FBXO7: variants seen among roughly 807,000 people sequenced by gnomAD.
FBXO7 encodes F-box protein 7.
Under a neutral mutation model 50.2 loss-of-function variants are expected in FBXO7, and 31 were observed. The ratio of observed to expected loss-of-function variants is 0.62; its 90% CI spans 0.46 to 0.83. The LOEUF (loss-of-function observed/expected upper bound fraction) is 0.83, where lower values mean the gene tolerates loss of function less well. FBXO7 is among the 40% of genes least tolerant of loss of function. The pLI is 0.00. For missense variants in FBXO7, 667 were observed against 646.6 expected (o/e 1.03, Z -0.34); for synonymous variants, 256 against 253.1 (o/e 1.01, Z -0.11).
chr22:32,484,983 C>A, intron 3 of FBXO7, 85 bp from the exon 4 acceptor site: 1 of 1,540,000 alleles, frequency 6.5e-7, no homozygotes, highest in Non-Finnish European at 9.0e-7. Context: ...TTATTTCAAA[C>A]AAGTTAGGAG....
intron 8 of FBXO7, among the ~76,000 whole-genome samples, chr22:32,497,331 C>T (rs2057581859): frequency 6.6e-6 from 1 of 152,092 alleles, no homozygotes; most frequent in Non-Finnish European, 1.5e-5. Flanking sequence ...CCCTAAGTCC[C>T]CAAAGTCCAT....
chr22:32,478,256 T>A (rs1227739979), intron 1 of FBXO7: 1 of 152,316 alleles, frequency 6.6e-6, no homozygotes, highest in Non-Finnish European at 1.5e-5. Context: ...ATTGGAAGAT[T>A]TTAAGTGAAG....
rs1052668899 is a variant in FBXO7 at position 32,478,338 on chromosome 22, T to C, written c.123-643T>C. On this transcript the variant is annotated intron_variant, in intron 1 of 8. Transcript: ENST00000266087. ...TAGTTGCTGTCACTTGTAAGACATA[T>C]TGTTTTATGTAACAGCAGGGGAAAA... 3.9e-5 allele frequency: 6 copies of C among 153,378 alleles called. No individual in the cohort carries two copies. The East Asian group carries it at 7.7e-4, about 20-fold the overall frequency. 9.5% of individuals were successfully genotyped at this position (153,378 alleles called of 1,614,324 possible).
chr22:32,479,256 T>G lies in FBXO7; in HGVS notation c.398T>G (p.Val133Gly). The G allele has an allele frequency of 1.2e-6, 2 of 1,614,142 alleles. No homozygotes were observed. The highest frequency in any genetic ancestry group is 8.5e-7 in the Non-Finnish European group (1 of 1,180,018). Reference protein sequence around the residue: ...SFQGQAAQSGVWNDDSMLGPS... With the variant: ...SFQGQAAQSGGWNDDSMLGPS... ...CAAGGACAGGCAGCCCAGTCTGGTG[T>G]TTGGAATGACGACAGTATGGTGGGT... is the stretch of plus-strand genomic sequence containing the variant. Residue 133 changes from valine (V) to glycine (G), a missense_variant, in exon 2 of 9, where the codon GTT becomes GGT. Val to Gly is a moderately radical substitution (Grantham distance 109). Coordinates refer to ENST00000266087, the MANE Select transcript of FBXO7 (RefSeq NM_012179.4).
rs534389109 is a variant in FBXO7 at position 32,498,129 on chromosome 22, T to G, written c.1183-15T>G. On this transcript the variant is annotated splice_polypyrimidine_tract_variant and intron_variant, in intron 8 of 8. Coordinates refer to ENST00000266087, the MANE Select transcript of FBXO7 (RefSeq NM_012179.4). ...CTTACCTTATCTTGTTCTTTTATTT[T>G]TCTTTTTTCTACAGCTGTACAGGAA... 102 of 1,614,022 alleles carry G rather than the reference T, an allele frequency of 6.3e-5. No individual in the cohort carries two copies. Among genetic ancestry groups the G allele is most frequent in the South Asian group, 2.5e-4 (23 of 91,060 alleles).
intron 4 of FBXO7, among the ~76,000 whole-genome samples, chr22:32,485,523 T>C (rs566691176): frequency 1.3e-5 from 2 of 152,298 alleles, no homozygotes; most frequent in East Asian, 3.9e-4. Context: ...AGGAGTGAAA[T>C]GAGCCTATTA....
At chr22:32,486,852 C>T (rs2057502059) in intron 4 of FBXO7, among the ~76,000 whole-genome samples, 1 of 152,192 alleles carries the variant, frequency 6.6e-6, no homozygotes, top group Non-Finnish European at 1.5e-5. Flanking sequence ...ACAGTTTCTG[C>T]CTTCATCTAA....
Position 32,498,634 on chromosome 22 carries a change from T to C in FBXO7, c.*104T>C, listed in dbSNP as rs1601521158. The C allele has an allele frequency of 1.2e-5, 16 of 1,363,606 alleles. 1 individual carries two copies. The East Asian group carries it at 4.0e-4, about 34-fold the overall frequency. The allele number at this position is 1,363,606 out of a possible 1,614,324, so 84.5% of individuals were successfully genotyped here. On this transcript the variant is annotated 3_prime_UTR_variant, in exon 9 of 9. Transcript: ENST00000266087. ...CTCGAGTGTTATTTTCTGATTGTGGTGTTGAGAGTTGCACTCCCAGAAACC... is the reference window on the plus strand; with the variant it reads ...CTCGAGTGTTATTTTCTGATTGTGGCGTTGAGAGTTGCACTCCCAGAAACC...
chr22:32,495,876 A>G (rs1008916411), intron 8 of FBXO7, among the ~76,000 whole-genome samples: 1 of 152,220 alleles, frequency 6.6e-6, no homozygotes, highest in Non-Finnish European at 1.5e-5. Flanking sequence ...TTCATAAGGT[A>G]CTATTCTAAT....
chr22:32,477,228 A>C (rs993470301), intron 1 of FBXO7, among the ~76,000 whole-genome samples: 4 of 152,242 alleles, frequency 2.6e-5, no homozygotes, highest in African/African-American at 9.6e-5. Flanking sequence ...TTCAATCAGT[A>C]AGAAAAAATA....
intron 1 of FBXO7, 52 bp downstream of exon 1, chr22:32,475,176 G>T: frequency 6.5e-7 from 1 of 1,528,284 alleles, no homozygotes. Context: ...AGTGCTTGGG[G>T]TGGGTGCAGG....
chr22:32,495,336 A>C, intron 7 of FBXO7, among the ~76,000 whole-genome samples, 157 bp from the exon 8 acceptor site: 1 of 151,576 alleles, frequency 6.6e-6, no homozygotes, highest in Non-Finnish European at 1.5e-5. Context: ...AAGAAAGTAC[A>C]AATGATATAG....
At position 32,493,300 on chromosome 22, in the gene FBXO7, T is replaced by TA. The variant is rs1463182333; in HGVS notation, c.1144+20dup. The TA allele has an allele frequency of 2.5e-6, 4 of 1,608,690 alleles. No homozygotes were observed. The Admixed American group carries it at 6.7e-5, about 27-fold the overall frequency. ...TTTCGAGGTGATTTCCGTAATGACA[T>TA]ATTCACAAGAAAGGGCTCTTATTGT... On this transcript the variant is annotated intron_variant, in intron 7 of 8. Coordinates refer to ENST00000266087, the MANE Select transcript of FBXO7 (RefSeq NM_012179.4).
Position 32,479,266 on chromosome 22 carries a change from C to T in FBXO7, c.408C>T (p.Asp136=), listed in dbSNP as rs776288097. ...GQAAQSGVWN[D]DSMLGPSQNF... is the part of the protein sequence containing the mutation. ...CAGCCCAGTCTGGTGTTTGGAATGA[C>T]GACAGTATGGTGGGTATTAAACACC... The change falls in exon 2 of 9, where the codon GAC becomes GAT. Residue 136 remains aspartate (D), a synonymous_variant. Transcript: ENST00000266087. 53 of 1,613,856 alleles carry T rather than the reference C, an allele frequency of 3.3e-5. No individual in the cohort carries two copies. Among genetic ancestry groups the T allele is most frequent in the Middle Eastern group, 1.6e-4 (1 of 6,084 alleles).
chr22:32,484,315 T>G (rs1213395774), intron 3 of FBXO7, among the ~76,000 whole-genome samples, 191 bp downstream of exon 3: 1 of 152,198 alleles, frequency 6.6e-6, no homozygotes, highest in Non-Finnish European at 1.5e-5. Context: ...GGAGAACATT[T>G]AGAATATTGC....
At chr22:32,487,585 T>G (rs1267309919) in intron 4 of FBXO7, 160 bp from the exon 5 acceptor site, 2 of 601,248 alleles carry the variant, frequency 3.3e-6, no homozygotes, top group African/African-American at 3.7e-5. Context: ...TTTACACTTT[T>G]GAACTTGCTA....
At chr22:32,495,170 TA>T (rs1381807653) in intron 7 of FBXO7, among the ~76,000 whole-genome samples, 3 of 152,244 alleles carry the variant, frequency 2.0e-5, no homozygotes, top group Middle Eastern at 6.8e-3. Flanking sequence ...TAAATGAGAT[TA>T]GGGGGAGAAG....
At position 32,485,075 on chromosome 22, in the gene FBXO7, A is replaced by C; in HGVS notation, c.653A>C (p.Glu218Ala). 1 of 1,614,146 alleles carries C rather than the reference A, an allele frequency of 6.2e-7. No homozygotes were observed. The highest frequency in any genetic ancestry group is 1.1e-5 in the South Asian group (1 of 91,082). The change falls in exon 4 of 9, where the codon GAA (glutamate) becomes GCA (alanine). Residue 218 changes from glutamate (E) to alanine (A), a missense_variant. Physicochemically the swap from Glu to Ala is moderately radical, Grantham distance 107. Coordinates refer to ENST00000266087, the MANE Select transcript of FBXO7 (RefSeq NM_012179.4). ...TTTCATTTCGTTCCCCAGGGCACCG[A>C]AGCCAAAGCACTGTCCATGCCGGAG... ...LESGYIPQGTEAKALSMPEKW... is the reference protein window; with the variant it reads ...LESGYIPQGTAAKALSMPEKW...
chr22:32,488,003 A>G lies in FBXO7; in HGVS notation c.871+175A>G, dbSNP rs748526094. On this transcript the variant is annotated intron_variant, in intron 5 of 8. Transcript: ENST00000266087. Reference sequence around the variant, plus strand: ...TTTAAAAAATGTGAAAGTTTTGCTTATAATTTGAGGAGTTTGTTTCTTTCC... The same window carrying G: ...TTTAAAAAATGTGAAAGTTTTGCTTGTAATTTGAGGAGTTTGTTTCTTTCC... 3.5e-4 allele frequency: 202 copies of G among 581,238 alleles called. 1 individual carries two copies. Among genetic ancestry groups the G allele is most frequent in the Non-Finnish European group, 4.9e-4 (160 of 323,918 alleles). 36.0% of individuals were successfully genotyped at this position (581,238 alleles called of 1,614,324 possible).
Sources: allele counts gnomAD v4.1 joint callset (sites outside exome capture counted in the v4.1 genomes callset), GRCh38; gene constraint gnomAD v4.1.1; transcripts MANE v1.5; gene names NCBI Gene and HGNC (gene_info 2026-07-23, HGNC 2026-07-21).